Variants in ADARB2 observed in about 807,000 individuals in gnomAD.
The protein encoded by ADARB2 is adenosine deaminase RNA specific B2 (inactive), also known as inactive double-stranded RNA-specific editase B2.
ADARB2 carries 25 observed loss-of-function variants against 62.2 expected under a neutral mutation model. That is an observed-to-expected ratio of 0.40 (90% CI 0.29 to 0.56). ADARB2 has a LOEUF of 0.56. ADARB2 is among the 20% of genes least tolerant of loss of function. The pLI, the probability that ADARB2 is intolerant of heterozygous loss-of-function variation, is 0.43. For synonymous variants in ADARB2, 572 were observed against 500.8 expected, an observed-to-expected ratio of 1.14 and a Z score of -1.90; for missense variants, 1,071 against 1,077.4, an observed-to-expected ratio of 0.99 and a Z score of 0.08.
intron 1 of ADARB2, among the ~76,000 whole-genome samples, chr10:1,576,600 C>T (rs112312038): frequency 3.0e-4 from 46 of 152,246 alleles, no homozygotes; most frequent in African/African-American, 9.4e-4. Context: ...CAGCGATCTT[C>T]GGTCTCAAGT....
chr10:1,201,784 AG>A (rs1164190425), intron 7 of ADARB2, among the ~76,000 whole-genome samples: 4 of 145,062 alleles, frequency 2.8e-5, no homozygotes, highest in East Asian at 4.1e-4. Context: ...CCTGTCACTG[AG>A]GACCTTCATT....
intron 7 of ADARB2, among the ~76,000 whole-genome samples, chr10:1,206,413 G>C (rs1182809620): frequency 6.6e-6 from 1 of 151,744 alleles, no homozygotes; most frequent in African/African-American, 2.4e-5. Context: ...TGCCTGTGTG[G>C]TCTGAGAGAA....
At chr10:1,609,099 G>C (rs183300862) in intron 1 of ADARB2, among the ~76,000 whole-genome samples, 1 of 152,184 alleles carries the variant, frequency 6.6e-6, no homozygotes, top group African/African-American at 2.4e-5. Context: ...CCTGGTGCCC[G>C]GCGTCGCTGG....
chr10:1,720,516 A>T (rs898005866), intron 1 of ADARB2, among the ~76,000 whole-genome samples: 1 of 152,238 alleles, frequency 6.6e-6, no homozygotes, highest in Admixed American at 6.5e-5. Flanking sequence ...CTGAAATAAA[A>T]GTTGAGTATC....
intron 3 of ADARB2, among the ~76,000 whole-genome samples, chr10:1,330,613 C>A (rs970250599): frequency 8.5e-5 from 13 of 152,144 alleles, no homozygotes; most frequent in African/African-American, 2.9e-4. Context: ...CTCAACGTTG[C>A]ACTGAAGGTT....
chr10:1,442,356 C>T (rs1313647667), intron 1 of ADARB2, among the ~76,000 whole-genome samples: 3 of 152,170 alleles, frequency 2.0e-5, no homozygotes, highest in African/African-American at 7.2e-5. Flanking sequence ...GAATTCATGT[C>T]TTCACATTTT....
chr10:1,402,379 G>T (rs1172522664), intron 1 of ADARB2, among the ~76,000 whole-genome samples: 1 of 152,170 alleles, frequency 6.6e-6, no homozygotes, highest in Non-Finnish European at 1.5e-5. Flanking sequence ...ACTCTGCTTT[G>T]CCTGGTGGGG....
Position 1,278,469 on chromosome 10 carries a change from T to C in ADARB2, c.1078-7400A>G, listed in dbSNP as rs560551526. ...CCAGTGTCTGCTCTTCCCATCTTGA[T>C]GTCTGTGAGTACTCTTATGTTTATC... On this transcript the variant is annotated intron_variant, in intron 3 of 9. Transcript: ENST00000381312. 2.0e-5 allele frequency among the ~76,000 whole-genome samples: 3 copies of C among 151,608 alleles called. No individual in the cohort carries two copies. The East Asian group carries it at 5.9e-4, about 30-fold the overall frequency.
intron 1 of ADARB2, among the ~76,000 whole-genome samples, chr10:1,510,117 T>TTTCTTTC (rs1831911319): frequency 2.1e-5 from 2 of 93,886 alleles, no homozygotes; most frequent in African/African-American, 8.9e-5. Context: ...TCTCTCTTTC[T>TTTCTTTC]TTCTTTCTTT....
At chr10:1,487,214 G>C (rs1009611511) in intron 1 of ADARB2, among the ~76,000 whole-genome samples, 2 of 152,264 alleles carry the variant, frequency 1.3e-5, no homozygotes, top group African/African-American at 4.8e-5. Context: ...AGACTCAGGT[G>C]AAGGGTTGTC....
In ADARB2 at chr10:1,200,116, G is replaced by C; in HGVS notation, c.1714C>G (p.Leu572Val). 1 of 1,554,064 alleles carries C rather than the reference G, an allele frequency of 6.4e-7. No homozygotes were observed. Residue 572 changes from leucine to valine, a missense_variant, in exon 8 of 10, where the codon CTG (leucine) becomes GTG (valine). Physicochemically the swap from Leu to Val is conservative, Grantham distance 32. Transcript: ENST00000381312. ...WNVLGLQGAL[L>V]SHFVEPVYLQ... ...TACACGGGCTCCACGAAGTGGGACAGGAGCGCGCCCTGCAGCCCCAGGACG... is the reference window on the plus strand; with the variant it reads ...TACACGGGCTCCACGAAGTGGGACACGAGCGCGCCCTGCAGCCCCAGGACG...
intron 1 of ADARB2, among the ~76,000 whole-genome samples, chr10:1,667,778 A>G (rs1234788573): frequency 2.6e-5 from 4 of 152,250 alleles, no homozygotes; most frequent in Non-Finnish European, 5.9e-5. Context: ...GTGATTTCTG[A>G]ATGCAGTGGT....
chr10:1,585,830 C>T (rs35505416), intron 1 of ADARB2, among the ~76,000 whole-genome samples: 19 of 152,008 alleles, frequency 1.2e-4, no homozygotes, highest in East Asian at 1.9e-4. Flanking sequence ...GTCAGGAGAT[C>T]GAGACCATCC....
chr10:1,725,254 G>A (rs968207002), intron 1 of ADARB2, among the ~76,000 whole-genome samples: 5 of 152,144 alleles, frequency 3.3e-5, no homozygotes, highest in African/African-American at 4.8e-5. Flanking sequence ...GTGAGTAAAG[G>A]GGCACGTCCC....
intron 1 of ADARB2, among the ~76,000 whole-genome samples, chr10:1,569,816 T>A (rs540593411): frequency 6.6e-6 from 1 of 152,162 alleles, no homozygotes; most frequent in Non-Finnish European, 1.5e-5. Context: ...TGCTCAAGAC[T>A]TTCTTATAAA....
intron 1 of ADARB2, among the ~76,000 whole-genome samples, chr10:1,447,627 T>C (rs1830988076): frequency 6.6e-6 from 1 of 152,332 alleles, no homozygotes; most frequent in East Asian, 1.9e-4. Context: ...AGGTTTGTTA[T>C]ACAGGTAAAC....
intron 1 of ADARB2, among the ~76,000 whole-genome samples, chr10:1,599,447 TATC>T (rs1271357226): frequency 6.6e-6 from 1 of 152,216 alleles, no homozygotes; most frequent in Non-Finnish European, 1.5e-5. Context: ...CTGTCATCAC[TATC>T]ATCATTTCCA....
chr10:1,454,501 A>G (rs1024155034), intron 1 of ADARB2, among the ~76,000 whole-genome samples: 2 of 152,230 alleles, frequency 1.3e-5, no homozygotes, highest in Non-Finnish European at 2.9e-5. Flanking sequence ...TCAGCTGAAA[A>G]AGGAAGAACA....
At chr10:1,659,486 T>C (rs1834216571) in intron 1 of ADARB2, among the ~76,000 whole-genome samples, 1 of 152,160 alleles carries the variant, frequency 6.6e-6, no homozygotes, top group Admixed American at 6.5e-5. Flanking sequence ...GGGAGCGGGG[T>C]GATCCCTCTT....
Sources: gnomAD v4.1 joint callset for allele counts (sites outside exome capture counted in the v4.1 genomes callset) on GRCh38, gnomAD v4.1.1 for gene constraint, MANE v1.5 for transcripts, NCBI Gene and HGNC (gene_info 2026-07-23, HGNC 2026-07-21) for gene names.